The following RASAL1 variants were observed in gnomAD, a reference collection of about 807,000 sequenced individuals.
RASAL1 encodes the protein rasGAP-activating-like protein 1.
A neutral mutation model predicts 96.6 loss-of-function variants in RASAL1; 72 were observed. That is an observed-to-expected ratio of 0.75 (90% CI 0.62 to 0.91). The LOEUF (loss-of-function observed/expected upper bound fraction) is 0.91, where lower values mean the gene tolerates loss of function less well. Ranked by LOEUF, RASAL1 falls within the 40% of genes least tolerant of loss-of-function variation. RASAL1 has a pLI of 0.00. For missense variants in RASAL1, 1,016 were observed against 1,072.5 expected (o/e 0.95, Z 0.74); for synonymous variants, 405 against 430.4 (o/e 0.94, Z 0.73).
At chr12:113,120,582 C>G (rs73207025) in intron 5 of RASAL1, among the ~76,000 whole-genome samples, 15,785 of 152,108 alleles carry the variant, frequency 0.1, 1,081 homozygotes, top group Middle Eastern at 0.19. Flanking sequence ...AGGTGAAAAA[C>G]AGGCAGAAAA....
At chr12:113,119,310 G>C (rs755730413) in intron 6 of RASAL1, 51 bp from the exon 7 acceptor site, 3 of 1,612,254 alleles carry the variant, frequency 1.9e-6, no homozygotes, top group Non-Finnish European at 2.5e-6. Context: ...GGGGACTCCT[G>C]CCCCACCACC....
intron 12 of RASAL1, among the ~76,000 whole-genome samples, chr12:113,113,982 A>T (rs968196465): frequency 4.6e-5 from 7 of 152,166 alleles, no homozygotes; most frequent in South Asian, 2.1e-4. Context: ...ACTAATGTCG[A>T]GGAGCCCCAG....
Position 113,129,425 on chromosome 12 carries a change from G to C in RASAL1, c.123-1247C>G, listed in dbSNP as rs1041305221. 1.3e-5 allele frequency among the ~76,000 whole-genome samples: 2 copies of C among 152,180 alleles called. No homozygotes were observed. The highest frequency in any genetic ancestry group is 2.9e-5 in the Non-Finnish European group (2 of 68,020). On this transcript the variant is annotated intron_variant, in intron 2 of 20. Coordinates refer to ENST00000548055, the MANE Select transcript of RASAL1 (RefSeq NM_001301202.2). This position sits in a 1 kb window ranked among gnomAD's most constrained non-coding sequence, Gnocchi z 5.0. The stretch of plus-strand genomic sequence containing the variant: ...GGGAGGGAGAGGGGCCAGGAGACAG[G>C]AGGTGAGCAGGGGACAGAGCACTCG...
chr12:113,124,699 T>C (rs185843896), intron 4 of RASAL1, among the ~76,000 whole-genome samples: 244 of 152,338 alleles, frequency 1.6e-3, no homozygotes, highest in African/African-American at 5.3e-3. Flanking sequence ...ATCATTCTGG[T>C]GGACACTTCA....
chr12:113,107,729 C>A (rs1950702192), intron 14 of RASAL1: 2 of 390,668 alleles, frequency 5.1e-6, no homozygotes, highest in Non-Finnish European at 9.7e-6. Flanking sequence ...ATTCTGTTCC[C>A]TCCCGAGCCC....
chr12:113,107,036 T>A, intron 15 of RASAL1, 61 bp downstream of exon 15: 2 of 1,521,810 alleles, frequency 1.3e-6, no homozygotes, highest in Non-Finnish European at 1.8e-6. Context: ...AAAGGGGAAG[T>A]CCCTGAGTGG....
chr12:113,120,884 C>T (rs888751517), intron 5 of RASAL1, among the ~76,000 whole-genome samples: 2 of 152,340 alleles, frequency 1.3e-5, no homozygotes, highest in Non-Finnish European at 2.9e-5. Flanking sequence ...TGACTCAGGC[C>T]TGATCCATTA....
At chr12:113,127,713 A>G (rs1198578388) in intron 4 of RASAL1, 99 bp downstream of exon 4, 51 of 993,024 alleles carry the variant, frequency 5.1e-5, no homozygotes, top group Non-Finnish European at 7.2e-5. Context: ...ATAAGTTTCC[A>G]CTGAAGGCTC....
In RASAL1 at chr12:113,115,520, A is replaced by G; in HGVS notation, c.1003+115T>C. ...CTGGAGGTGCACAGCACAGGGACCC[A>G]CAGAAAAAGGAGCCCTTTTTCCCTC... is the stretch of plus-strand genomic sequence containing the variant. On this transcript the variant is annotated intron_variant, in intron 10 of 20. Coordinates refer to ENST00000548055, the MANE Select transcript of RASAL1 (RefSeq NM_001301202.2). The surrounding 1 kb of genome is among the most constrained non-coding windows in gnomAD (Gnocchi z 4.1). 1 of 1,375,704 alleles carries G rather than the reference A, an allele frequency of 7.3e-7. No homozygotes were observed. Among genetic ancestry groups the G allele is most frequent in the African/African-American group, 1.4e-5 (1 of 69,206 alleles). The allele number at this position is 1,375,704 out of a possible 1,614,324, so 85.2% of individuals were successfully genotyped here. A position where few individuals can be genotyped will look rare whatever the true frequency, so the allele number is the denominator to read the frequency against.
At chr12:113,111,117 C>T (rs573436110) in intron 13 of RASAL1, among the ~76,000 whole-genome samples, 2 of 152,264 alleles carry the variant, frequency 1.3e-5, no homozygotes, top group South Asian at 2.1e-4. Context: ...TCTTGCGCCT[C>T]GTCTGCCTGA....
chr12:113,128,153 C>T lies in RASAL1; in HGVS notation c.148G>A (p.Gly50Ser). 1 of 1,613,598 alleles carries T rather than the reference C, an allele frequency of 6.2e-7. No individual in the cohort carries two copies. Among genetic ancestry groups the T allele is most frequent in the Non-Finnish European group, 8.5e-7 (1 of 1,179,890 alleles). Reference sequence around the variant, plus strand: ...GTGTACTCCTCCCCCCAGAAGGGGCCCAGGCTCCTCCAGACAGTAGCTGTC... The same window carrying T: ...GTGTACTCCTCCCCCCAGAAGGGGCTCAGGCTCCTCCAGACAGTAGCTGTC... ...ARTATVWRSL[G>S]PFWGEEYTVH... Residue 50 changes from glycine (G) to serine (S), a missense_variant, in exon 3 of 21, where the codon GGC becomes AGC. Gly to Ser is a moderately conservative substitution (Grantham distance 56). Transcript: ENST00000548055.
At chr12:113,112,413 C>T (rs1950903957) in intron 12 of RASAL1, 135 bp from the exon 13 acceptor site, 2 of 610,616 alleles carry the variant, frequency 3.3e-6, no homozygotes, top group East Asian at 3.5e-5. Context: ...CCCTTCCCAC[C>T]GGGTTTCTTG....
Position 113,130,578 on chromosome 12 carries a change from G to A in RASAL1, c.122+307C>T, listed in dbSNP as rs569396066. ...AGTGCCCGCAGCACCCGGCAGGCCC[G>A]GAACCAACCAGTCCAGCCAAGCGTG... On this transcript the variant is annotated intron_variant, in intron 2 of 20. Coordinates refer to ENST00000548055, the MANE Select transcript of RASAL1 (RefSeq NM_001301202.2). This position sits in a 1 kb window ranked among gnomAD's most constrained non-coding sequence, Gnocchi z 5.1. Among the ~76,000 whole-genome samples, 33 of 152,240 alleles carry A rather than the reference G, an allele frequency of 2.2e-4. No individual in the cohort carries two copies. The highest frequency in any genetic ancestry group is 7.5e-4 in the African/African-American group (31 of 41,544).
In RASAL1 at chr12:113,102,027, C is replaced by G; in HGVS notation, c.2105-18G>C. 1.2e-6 allele frequency: 2 copies of G among 1,609,200 alleles called. No individual in the cohort carries two copies. Among genetic ancestry groups the G allele is most frequent in the South Asian group, 1.1e-5 (1 of 90,450 alleles). ...GCCGGCGGCTGAGGGAACACAGCTT[C>G]ATTCATCAGTAACTCCCTCTCCCCT... On this transcript the variant is annotated intron_variant, in intron 18 of 20. Transcript: ENST00000548055.
intron 8 of RASAL1, among the ~76,000 whole-genome samples, chr12:113,116,652 G>A (rs1158255710): frequency 9.2e-5 from 14 of 152,214 alleles, no homozygotes; most frequent in Admixed American, 9.2e-4. Context: ...CAGGATGTGT[G>A]GACAAGTGTA....
chr12:113,104,337 C>A, intron 16 of RASAL1, 39 bp from the exon 17 acceptor site: 3 of 1,521,394 alleles, frequency 2.0e-6, no homozygotes, highest in Non-Finnish European at 2.7e-6. Flanking sequence ...GGGCTGGGGG[C>A]TAGGGCCGGG....
At chr12:113,110,369 C>T (rs995602457) in intron 13 of RASAL1, among the ~76,000 whole-genome samples, 2 of 152,188 alleles carry the variant, frequency 1.3e-5, no homozygotes, top group African/African-American at 2.4e-5. Flanking sequence ...AAGTGGGTTA[C>T]GACATTGCCA....
In RASAL1 at chr12:113,130,958, T is replaced by A. The variant is rs779460272; in HGVS notation, c.66-17A>T. On this transcript the variant is annotated splice_polypyrimidine_tract_variant and intron_variant, in intron 1 of 20. Transcript: ENST00000548055. This position sits in a 1 kb window ranked among gnomAD's most constrained non-coding sequence, Gnocchi z 5.1. ...CTCCCAGACCTGCAGAAGGAGGGAG[T>A]TCAGGGAGGAAGCAGGTTGAGAGGG... 4 of 1,608,804 alleles carry A rather than the reference T, an allele frequency of 2.5e-6. No homozygotes were observed. Among genetic ancestry groups the A allele is most frequent in the Non-Finnish European group, 3.4e-6 (4 of 1,177,166 alleles).
intron 15 of RASAL1, 65 bp from the exon 16 acceptor site, chr12:113,105,951 C>T: frequency 6.6e-7 from 1 of 1,505,366 alleles, no homozygotes. Context: ...CCTTGCTCCA[C>T]TAGCATGCCC....
Sources: gnomAD v4.1 joint callset for allele counts (sites outside exome capture counted in the v4.1 genomes callset) on GRCh38, gnomAD v4.1.1 for gene constraint, Gnocchi (gnomAD v3.1) non-coding constraint, MANE v1.5 for transcripts, NCBI Gene and HGNC (gene_info 2026-07-23, HGNC 2026-07-21) for gene names.